The following ZDHHC3 variants were observed in gnomAD, a reference collection of about 807,000 sequenced individuals.
ZDHHC3 encodes palmitoyltransferase ZDHHC3.
ZDHHC3 carries 9 observed loss-of-function variants against 30.6 expected under a neutral mutation model. That is an observed-to-expected ratio of 0.29 (90% CI 0.18 to 0.51). ZDHHC3 has a LOEUF of 0.51. Ranked by LOEUF, ZDHHC3 falls within the 20% of genes least tolerant of loss-of-function variation. The pLI is 0.97. For synonymous variants in ZDHHC3, 136 were observed against 140.2 expected (o/e 0.97, Z 0.21); for missense variants, 246 against 384.2 (o/e 0.64, Z 3.01).
At chr3:44,968,181 T>C (rs933554274) in intron 1 of ZDHHC3, among the ~76,000 whole-genome samples, 4 of 151,870 alleles carry the variant, frequency 2.6e-5, no homozygotes, top group Non-Finnish European at 4.4e-5. Flanking sequence ...AAGCAGGAAA[T>C]AGGAGTTGTA....
At chr3:44,960,145 A>G (rs1290352277) in intron 1 of ZDHHC3, among the ~76,000 whole-genome samples, 2 of 152,178 alleles carry the variant, frequency 1.3e-5, no homozygotes, top group Non-Finnish European at 2.9e-5. Flanking sequence ...ACCTCAATAG[A>G]TATGTTCAAA....
Position 44,924,451 on chromosome 3 carries a change from C to T in ZDHHC3, c.*2238G>A. On this transcript the variant is annotated 3_prime_UTR_variant, in exon 7 of 7. Coordinates refer to ENST00000424952, the MANE Select transcript of ZDHHC3 (RefSeq NM_001135179.2). ...AAACATTGACTCTTTCTAGCCAAGG[C>T]CTATACAAAACCAGAGGCAGAATCC... The T allele has an allele frequency of 7.1e-6, 7 of 985,392 alleles. No homozygotes were observed. Among genetic ancestry groups the T allele is most frequent in the Non-Finnish European group, 8.4e-6 (7 of 829,922 alleles). 61.0% of individuals were successfully genotyped at this position (985,392 alleles called of 1,614,324 possible). A position where few individuals can be genotyped will look rare whatever the true frequency, so the allele number is the denominator to read the frequency against.
In ZDHHC3 at chr3:44,920,101, A is replaced by C; in HGVS notation, c.*6588T>G. On this transcript the variant is annotated 3_prime_UTR_variant, in exon 7 of 7. Transcript: ENST00000424952. ...TTCTGTAGACTTCTCACACAATCCA[A>C]GTTTTACCAATGAGCCAATGTTACT... The C allele has an allele frequency of 1.6e-6, 2 of 1,214,842 alleles. No homozygotes were observed. Among genetic ancestry groups the C allele is most frequent in the Non-Finnish European group, 2.1e-6 (2 of 948,772 alleles). The allele number at this position is 1,214,842 out of a possible 1,614,324, so 75.3% of individuals were successfully genotyped here. A position where few individuals can be genotyped will look rare whatever the true frequency, so the allele number is the denominator to read the frequency against.
chr3:44,926,559 T>C lies in ZDHHC3; in HGVS notation c.*130A>G, dbSNP rs1423937186. 7 of 1,267,214 alleles carry C rather than the reference T, an allele frequency of 5.5e-6. No homozygotes were observed. The East Asian group carries it at 9.2e-5, about 17-fold the overall frequency. 78.5% of individuals were successfully genotyped at this position (1,267,214 alleles called of 1,614,324 possible). ...TTTTCTCTGCAATGCTCAGCCATTT[T>C]ACTTGAGACATAAAAAAAGTTTTAA... On this transcript the variant is annotated 3_prime_UTR_variant, in exon 7 of 7. Transcript: ENST00000424952.
chr3:44,959,474 G>A lies in ZDHHC3; in HGVS notation c.-24-14C>T. The A allele has an allele frequency of 1.9e-6, 3 of 1,584,402 alleles. No individual in the cohort carries two copies. Among genetic ancestry groups the A allele is most frequent in the Non-Finnish European group, 1.7e-6 (2 of 1,161,650 alleles). ...CCATACTGGCATCTGAAAGAGAGAG[G>A]AAAGAATCCAGAAACTTGGTGTTGT... On this transcript the variant is annotated splice_polypyrimidine_tract_variant and intron_variant, in intron 1 of 6. Transcript: ENST00000424952. The surrounding 1 kb of genome is among the most constrained non-coding windows in gnomAD (Gnocchi z 4.3).
chr3:44,944,592 C>A (rs1438371724), intron 3 of ZDHHC3, among the ~76,000 whole-genome samples: 1 of 152,164 alleles, frequency 6.6e-6, no homozygotes, highest in Non-Finnish European at 1.5e-5. Flanking sequence ...CAATAAAGTA[C>A]AACTTTTAGC....
intron 3 of ZDHHC3, chr3:44,938,388 C>A (rs555886632): frequency 4.7e-5 from 10 of 214,756 alleles, no homozygotes; most frequent in East Asian, 2.2e-4. Context: ...ATTCTGGGGA[C>A]TGCCCAGTCT....
intron 6 of ZDHHC3, 22 bp downstream of exon 6, chr3:44,929,284 G>C: frequency 6.2e-7 from 1 of 1,612,482 alleles, no homozygotes; most frequent in Non-Finnish European, 8.5e-7. Flanking sequence ...TGTGGAAATG[G>C]TGGGCAGAGC....
intron 3 of ZDHHC3, among the ~76,000 whole-genome samples, chr3:44,941,904 C>T (rs1702472107): frequency 6.6e-6 from 1 of 152,342 alleles, no homozygotes; most frequent in Non-Finnish European, 1.5e-5. Context: ...AAGCCAAATG[C>T]CATGGCCATC....
intron 2 of ZDHHC3, among the ~76,000 whole-genome samples, chr3:44,947,947 C>A (rs913970380): frequency 6.6e-6 from 1 of 152,202 alleles, no homozygotes; most frequent in Non-Finnish European, 1.5e-5. Flanking sequence ...CTGCTTGGCC[C>A]AGCTCCCAAA....
At position 44,922,408 on chromosome 3, in the gene ZDHHC3, G is replaced by C; in HGVS notation, c.*4281C>G. 3.0e-6 allele frequency: 3 copies of C among 985,434 alleles called. No individual in the cohort carries two copies. The highest frequency in any genetic ancestry group is 3.6e-6 in the Non-Finnish European group (3 of 829,926). The allele number at this position is 985,434 out of a possible 1,614,324, so 61.0% of individuals were successfully genotyped here. On this transcript the variant is annotated 3_prime_UTR_variant, in exon 7 of 7. Transcript: ENST00000424952. ...GTCTAGAGATGGGTTCCACTGATGA[G>C]ATGCACAAGGAGTGGTGGGCAGGCT...
chr3:44,921,818 A>AC lies in ZDHHC3; in HGVS notation c.*4870dup, dbSNP rs1559640987. The AC allele has an allele frequency of 6.1e-6, 6 of 985,412 alleles. No individual in the cohort carries two copies. The highest frequency in any genetic ancestry group is 7.2e-6 in the Non-Finnish European group (6 of 829,888). The allele number at this position is 985,412 out of a possible 1,614,324, so 61.0% of individuals were successfully genotyped here. A position where few individuals can be genotyped will look rare whatever the true frequency, so the allele number is the denominator to read the frequency against. On this transcript the variant is annotated 3_prime_UTR_variant, in exon 7 of 7. Transcript: ENST00000424952. ...ATTTCAACCAAAGACTGAAGCCAGG[A>AC]CCCAAATACTTGGTCACCAGACTAT...
rs1404190780 is a variant in ZDHHC3 at position 44,915,344 on chromosome 3, G to A, written c.*11345C>T. The A allele has an allele frequency of 6.6e-6, 1 of 152,218 alleles. No individual in the cohort carries two copies. The highest frequency in any genetic ancestry group is 1.5e-5 in the Non-Finnish European group (1 of 68,050). 9.4% of individuals were successfully genotyped at this position (152,218 alleles called of 1,614,324 possible). A position where few individuals can be genotyped will look rare whatever the true frequency, so the allele number is the denominator to read the frequency against. On this transcript the variant is annotated 3_prime_UTR_variant, in exon 7 of 7. Transcript: ENST00000424952. ...TCCCTGTAAGATCTCATCTGGTTTT[G>A]ACATCAGTTGCAATGCTTTCAGTCT...
At chr3:44,932,890 C>T (rs1040412766) in intron 5 of ZDHHC3, 1 of 1,613,820 alleles carries the variant, frequency 6.2e-7, no homozygotes, top group Admixed American at 1.7e-5. Flanking sequence ...GTCTGTCTGT[C>T]CAACTCATGA....
chr3:44,951,472 T>C (rs1363184145), intron 2 of ZDHHC3, among the ~76,000 whole-genome samples: 2 of 152,150 alleles, frequency 1.3e-5, no homozygotes, highest in Non-Finnish European at 2.9e-5. Flanking sequence ...GCCCACTTCC[T>C]TTTCTATTTT....
intron 1 of ZDHHC3, among the ~76,000 whole-genome samples, chr3:44,965,916 G>A (rs988909704): frequency 4.6e-5 from 7 of 152,138 alleles, no homozygotes; most frequent in East Asian, 3.9e-4. Context: ...CTAAAACACC[G>A]CATCCACCCA....
At position 44,920,290 on chromosome 3, in the gene ZDHHC3, G is replaced by A. The variant is rs1300043897; in HGVS notation, c.*6399C>T. On this transcript the variant is annotated 3_prime_UTR_variant, in exon 7 of 7. Coordinates refer to ENST00000424952, the MANE Select transcript of ZDHHC3 (RefSeq NM_001135179.2). Reference sequence around the variant, plus strand: ...ACAGAAGCAGTGACCAGCTGAGATGGTTTGCTTTGGGCATTCTGCATTCTC... The same window carrying A: ...ACAGAAGCAGTGACCAGCTGAGATGATTTGCTTTGGGCATTCTGCATTCTC... The A allele has an allele frequency of 7.8e-7, 1 of 1,289,878 alleles. No individual in the cohort carries two copies. Among genetic ancestry groups the A allele is most frequent in the South Asian group, 1.2e-5 (1 of 81,026 alleles). The allele number at this position is 1,289,878 out of a possible 1,614,324, so 79.9% of individuals were successfully genotyped here. A position where few individuals can be genotyped will look rare whatever the true frequency, so the allele number is the denominator to read the frequency against.
In ZDHHC3 at chr3:44,920,509, G is replaced by A; in HGVS notation, c.*6180C>T. On this transcript the variant is annotated 3_prime_UTR_variant, in exon 7 of 7. Transcript: ENST00000424952. ...GGCCTCCTTGTGAGGAGGTGGGTATGAGTATTGATGATTGGCAGATGGGGA... is the reference window on the plus strand; with the variant it reads ...GGCCTCCTTGTGAGGAGGTGGGTATAAGTATTGATGATTGGCAGATGGGGA... 3.0e-6 allele frequency: 3 copies of A among 985,462 alleles called. No homozygotes were observed. The highest frequency in any genetic ancestry group is 3.6e-6 in the Non-Finnish European group (3 of 829,934). The allele number at this position is 985,462 out of a possible 1,614,324, so 61.0% of individuals were successfully genotyped here. A position where few individuals can be genotyped will look rare whatever the true frequency, so the allele number is the denominator to read the frequency against.
At chr3:44,940,253 G>A (rs887630725) in intron 3 of ZDHHC3, among the ~76,000 whole-genome samples, 7 of 152,138 alleles carry the variant, frequency 4.6e-5, no homozygotes, top group Non-Finnish European at 7.4e-5. Flanking sequence ...ATGGGCAGGG[G>A]GCTCAGCAGT....
Sources: gnomAD v4.1 joint callset for allele counts (sites outside exome capture counted in the v4.1 genomes callset) on GRCh38, gnomAD v4.1.1 for gene constraint, Gnocchi (gnomAD v3.1) non-coding constraint, MANE v1.5 for transcripts, NCBI Gene and HGNC (gene_info 2026-07-23, HGNC 2026-07-21) for gene names.